Variants in CNTNAP3B observed in about 807,000 individuals in gnomAD.
CNTNAP3B encodes the protein contactin-associated protein-like 3B.
In CNTNAP3B, 25 loss-of-function variants were observed where a neutral mutation model predicts 108.9. The ratio of observed to expected loss-of-function variants is 0.23; its 90% CI spans 0.17 to 0.32. The LOEUF (loss-of-function observed/expected upper bound fraction) is 0.32, where lower values mean the gene tolerates loss of function less well. CNTNAP3B is among the 10% of genes least tolerant of loss of function. The pLI, the probability that CNTNAP3B is intolerant of heterozygous loss-of-function variation, is 1.00. For synonymous variants in CNTNAP3B, 103 were observed against 473.4 expected, an observed-to-expected ratio of 0.22 and a Z score of 10.16; for missense variants, 252 against 1,210.4, an observed-to-expected ratio of 0.21 and a Z score of 11.75.
At chr9:41,947,514 T>G (rs1308236480) in intron 13 of CNTNAP3B, among the ~76,000 whole-genome samples, 1 of 152,056 alleles carries the variant, frequency 6.6e-6, no homozygotes, top group East Asian at 1.9e-4. Flanking sequence ...ATACAACATA[T>G]CAAAATATGT....
chr9:41,959,400 G>T (rs1824988346), intron 12 of CNTNAP3B, among the ~76,000 whole-genome samples: 1 of 152,300 alleles, frequency 6.6e-6, no homozygotes, highest in African/African-American at 2.4e-5. Flanking sequence ...GCAGAAAAGA[G>T]ACCAGAGTTT....
intron 2 of CNTNAP3B, among the ~76,000 whole-genome samples, chr9:42,098,531 A>C (rs1325319939): frequency 4.5e-5 from 4 of 89,714 alleles, no homozygotes; most frequent in Admixed American, 1.2e-4. Flanking sequence ...TGCAGTGAGC[A>C]GAGATCATGC....
intron 3 of CNTNAP3B, among the ~76,000 whole-genome samples, chr9:42,054,778 A>G (rs1235030896): frequency 6.6e-6 from 1 of 151,670 alleles, no homozygotes; most frequent in Non-Finnish European, 1.5e-5. Context: ...TAAATGTTAC[A>G]AAGTTAGGAT....
At chr9:42,053,376 A>G (rs1375823715) in intron 3 of CNTNAP3B, among the ~76,000 whole-genome samples, 1 of 133,448 alleles carries the variant, frequency 7.5e-6, no homozygotes, top group Non-Finnish European at 1.6e-5. Flanking sequence ...TCATGAATTG[A>G]TGTCATATGT....
At chr9:41,955,859 C>T (rs1283001978) in intron 12 of CNTNAP3B, among the ~76,000 whole-genome samples, 1 of 152,262 alleles carries the variant, frequency 6.6e-6, no homozygotes, top group African/African-American at 2.4e-5. Context: ...ACAGATGTTC[C>T]TCAATTTATG....
intron 1 of CNTNAP3B, among the ~76,000 whole-genome samples, chr9:42,115,457 A>C (rs71512004): frequency 7.2e-6 from 1 of 138,634 alleles, no homozygotes. Flanking sequence ...CTGGGAGACA[A>C]CTCCCAGTAG....
intron 10 of CNTNAP3B, among the ~76,000 whole-genome samples, chr9:41,968,988 G>C (rs1325145213): frequency 6.6e-6 from 1 of 152,280 alleles, no homozygotes; most frequent in African/African-American, 2.4e-5. Flanking sequence ...AGTAGAGACG[G>C]GGTTTCACCA....
At chr9:41,968,168 G>T (rs1177334872) in intron 10 of CNTNAP3B, among the ~76,000 whole-genome samples, 2 of 151,738 alleles carry the variant, frequency 1.3e-5, no homozygotes, top group Non-Finnish European at 2.9e-5. Context: ...CAGAAACACT[G>T]CAAATGGATC....
At chr9:41,962,365 C>T (rs1234268801) in intron 11 of CNTNAP3B, among the ~76,000 whole-genome samples, 1 of 152,266 alleles carries the variant, frequency 6.6e-6, no homozygotes, top group African/African-American at 2.4e-5. Context: ...CTTTTTCAAT[C>T]TCCTGATATT....
At chr9:41,979,944 C>CTTTTTTTTTTTTTT in intron 9 of CNTNAP3B, 1 of 42,388 alleles carries the variant, frequency 2.4e-5, no homozygotes. Context: ...TTGAGGAAAC[C>CTTTTTTTTTTTTTT]TTTTTTTTTT....
In CNTNAP3B at chr9:42,072,974, C is replaced by G. The variant is rs894895462; in HGVS notation, c.390+3895G>C. On this transcript the variant is annotated intron_variant, in intron 3 of 23. Coordinates refer to ENST00000377561, the MANE Select transcript of CNTNAP3B (RefSeq NM_001201380.3). ...TGAATATTCACATTAAGCAGAGTAA[C>G]TAAAAAATGCAAATAGCCCCAAAGT... Among the ~76,000 whole-genome samples, 92 of 139,710 alleles carry G rather than the reference C, an allele frequency of 6.6e-4. 15 individuals are homozygous for G. Among genetic ancestry groups the G allele is most frequent in the African/African-American group, 2.4e-3 (86 of 35,278 alleles). The allele number at this position is 139,710 out of a possible 152,430, so 91.7% of individuals were successfully genotyped here. A position where few individuals can be genotyped will look rare whatever the true frequency, so the allele number is the denominator to read the frequency against.
At chr9:41,921,349 C>A (rs1310663498) in intron 17 of CNTNAP3B, among the ~76,000 whole-genome samples, 2 of 152,158 alleles carry the variant, frequency 1.3e-5, no homozygotes, top group East Asian at 1.9e-4. Context: ...CCTCACTGCA[C>A]CTTAATAGAA....
intron 2 of CNTNAP3B, among the ~76,000 whole-genome samples, chr9:42,103,595 C>T (rs1828045121): frequency 8.8e-6 from 1 of 113,808 alleles, no homozygotes; most frequent in African/African-American, 3.5e-5. Context: ...ATTAGTCAGG[C>T]CTGGTGGCGG....
chr9:41,917,357 T>C (rs138685848), intron 18 of CNTNAP3B, among the ~76,000 whole-genome samples: 1,753 of 141,310 alleles, frequency 0.012, 99 homozygotes, highest in South Asian at 0.048. Flanking sequence ...ATTCTCTTAA[T>C]TGCTTACTGC....
At chr9:41,995,862 C>T in intron 7 of CNTNAP3B, among the ~76,000 whole-genome samples, 1 of 141,466 alleles carries the variant, frequency 7.1e-6, no homozygotes, top group East Asian at 2.1e-4. Context: ...ATGGCGAAAC[C>T]CCGTCTCTAC....
intron 2 of CNTNAP3B, among the ~76,000 whole-genome samples, chr9:42,077,441 G>C (rs62553563): frequency 0.45 from 61,531 of 135,432 alleles, 18,516 homozygotes; most frequent in East Asian, 0.73. Flanking sequence ...ACTGATAAAA[G>C]AAAGACAGTT....
chr9:42,094,339 G>A (rs1169947185), intron 2 of CNTNAP3B, among the ~76,000 whole-genome samples: 3 of 129,564 alleles, frequency 2.3e-5, no homozygotes, highest in East Asian at 4.7e-4. Context: ...TTTGTAAAGC[G>A]TTGCATTTAA....
intron 3 of CNTNAP3B, among the ~76,000 whole-genome samples, chr9:42,018,746 A>G (rs1826256199): frequency 6.6e-6 from 1 of 151,706 alleles, no homozygotes; most frequent in Non-Finnish European, 1.5e-5. Flanking sequence ...CAGGCTGCGA[A>G]GCTGGAGAGA....
In CNTNAP3B at chr9:42,001,405, C is replaced by A. The variant is rs1243053758; in HGVS notation, c.539-2801G>T. 6.0e-5 allele frequency among the ~76,000 whole-genome samples: 8 copies of A among 133,602 alleles called. 2 individuals are homozygous for A. Among genetic ancestry groups the A allele is most frequent in the Non-Finnish European group, 7.9e-5 (5 of 63,282 alleles). 87.6% of individuals were successfully genotyped at this position (133,602 alleles called of 152,430 possible). On this transcript the variant is annotated intron_variant, in intron 4 of 23. Coordinates refer to ENST00000377561, the MANE Select transcript of CNTNAP3B (RefSeq NM_001201380.3). ...CCCCAGCCTGGGCAACACAGCAAGACCCCATTTCAAGAAAAAAACAGTTCT... is the reference window on the plus strand; with the variant it reads ...CCCCAGCCTGGGCAACACAGCAAGAACCCATTTCAAGAAAAAAACAGTTCT...
Sources: gnomAD v4.1 joint callset for allele counts (sites outside exome capture counted in the v4.1 genomes callset) on GRCh38, gnomAD v4.1.1 for gene constraint, MANE v1.5 for transcripts, NCBI Gene and HGNC (gene_info 2026-07-23, HGNC 2026-07-21) for gene names.